The following NR6A1 variants were observed in gnomAD, a reference collection of about 807,000 sequenced individuals.
NR6A1 encodes nuclear receptor subfamily 6 group A member 1, also known as retinoic acid receptor-related testis-associated receptor.
NR6A1 carries 7 observed loss-of-function variants against 59.1 expected under a neutral mutation model. The ratio of observed to expected loss-of-function variants is 0.12; its 90% CI spans 0.07 to 0.22. The LOEUF is 0.22. NR6A1 is among the 10% of genes least tolerant of loss of function. The pLI, the probability that NR6A1 is intolerant of heterozygous loss-of-function variation, is 1.00. For synonymous variants in NR6A1, 243 were observed against 236.1 expected, an observed-to-expected ratio of 1.03 and a Z score of -0.27; for missense variants, 468 against 611.6, an observed-to-expected ratio of 0.77 and a Z score of 2.48.
chr9:124,732,254 G>A (rs559013656), intron 2 of NR6A1, among the ~76,000 whole-genome samples: 4 of 152,280 alleles, frequency 2.6e-5, no homozygotes, highest in South Asian at 2.1e-4. Context: ...AGAGCCAGCC[G>A]TAACAAAGTA....
intron 7 of NR6A1, among the ~76,000 whole-genome samples, chr9:124,528,718 A>C (rs1274688827): frequency 3.3e-5 from 5 of 151,998 alleles, no homozygotes; most frequent in African/African-American, 7.2e-5. Flanking sequence ...AAAATAAAAC[A>C]AAAAACCAAA....
At chr9:124,646,458 T>G (rs768311658) in intron 2 of NR6A1, among the ~76,000 whole-genome samples, 3 of 151,972 alleles carry the variant, frequency 2.0e-5, no homozygotes, top group Non-Finnish European at 4.4e-5. Context: ...CTCAAAAAAA[T>G]GAAATAGGGG....
At chr9:124,757,012 G>C (rs913524912) in intron 1 of NR6A1, among the ~76,000 whole-genome samples, 1 of 152,002 alleles carries the variant, frequency 6.6e-6, no homozygotes, top group African/African-American at 2.4e-5. Context: ...GGCGGGTAGG[G>C]GGGGAATGAC....
In NR6A1 at chr9:124,535,884, A is replaced by G; in HGVS notation, c.1073T>C (p.Leu358Pro). 1 of 1,614,180 alleles carries G rather than the reference A, an allele frequency of 6.2e-7. No homozygotes were observed. The highest frequency in any genetic ancestry group is 8.5e-7 in the Non-Finnish European group (1 of 1,180,026). The change falls in exon 7 of 10, where the codon CTA (leucine) becomes CCA (proline). Residue 358 changes from leucine to proline, a missense_variant. By Grantham distance (98) the Leu-to-Pro change is moderately conservative. Around this residue, in one of 4 missense-constraint regions of NR6A1, gnomAD observed 176 missense variants for 264.0 expected, o/e 0.67. Coordinates refer to ENST00000487099, the MANE Select transcript of NR6A1 (RefSeq NM_033334.4). ...CCCAGCCAGGAGGCCTCACCTGTGT[A>G]GTTCTTCATCGGAGGGCGAGTACTT... ...TAKYSPSDEE[L>P]HRFSDEGMEV... is the part of the protein sequence containing the mutation.
At position 124,521,947 on chromosome 9, in the gene NR6A1, T is replaced by C. The variant is rs1370570504; in HGVS notation, c.*758A>G. ...CTTTGCCTAGATGGAAAGTTCGCAG[T>C]GGTAGACAATGATGGTGGTGCAGGG... On this transcript the variant is annotated 3_prime_UTR_variant, in exon 10 of 10. Coordinates refer to ENST00000487099, the MANE Select transcript of NR6A1 (RefSeq NM_033334.4). 6.6e-6 allele frequency: 1 copy of C among 152,168 alleles called. No individual in the cohort carries two copies. The allele number at this position is 152,168 out of a possible 1,614,324, so 9.4% of individuals were successfully genotyped here.
chr9:124,686,936 TCAAGCAATAC>T (rs1418564692), intron 2 of NR6A1, among the ~76,000 whole-genome samples: 1 of 152,006 alleles, frequency 6.6e-6, no homozygotes, highest in Non-Finnish European at 1.5e-5. Context: ...AATCCTGGGC[TCAAGCAATAC>T]CTCCCTCCTC....
At chr9:124,633,651 C>T (rs1035972887) in intron 2 of NR6A1, among the ~76,000 whole-genome samples, 2 of 152,160 alleles carry the variant, frequency 1.3e-5, no homozygotes, top group Non-Finnish European at 2.9e-5. Flanking sequence ...CAATTCTAAG[C>T]CCCAGGATCA....
At chr9:124,577,607 T>C (rs1346223152) in intron 2 of NR6A1, among the ~76,000 whole-genome samples, 2 of 152,242 alleles carry the variant, frequency 1.3e-5, no homozygotes, top group African/African-American at 2.4e-5. Context: ...AAGTAATTTG[T>C]ACATGTTTGT....
In NR6A1 at chr9:124,525,693, C is replaced by A. The variant is rs535799367; in HGVS notation, c.1202-820G>T. ...TCTAAATAGATCTCTCTCTCTCTCT[C>A]TCTCTCTATATATATATACACACAC... On this transcript the variant is annotated intron_variant, in intron 8 of 9. Coordinates refer to ENST00000487099, the MANE Select transcript of NR6A1 (RefSeq NM_033334.4). Among the ~76,000 whole-genome samples the A allele has an allele frequency of 4.9e-4, 73 of 150,194 alleles. 1 individual carries two copies. The highest frequency in any genetic ancestry group is 1.5e-3 in the African/African-American group (63 of 40,844).
At chr9:124,710,391 T>C (rs1196083836) in intron 2 of NR6A1, among the ~76,000 whole-genome samples, 1 of 152,146 alleles carries the variant, frequency 6.6e-6, no homozygotes, top group Non-Finnish European at 1.5e-5. Flanking sequence ...GAATACACAA[T>C]GAAACACACA....
At chr9:124,594,751 A>G (rs1414655919) in intron 2 of NR6A1, among the ~76,000 whole-genome samples, 2 of 152,202 alleles carry the variant, frequency 1.3e-5, no homozygotes, top group Admixed American at 1.3e-4. Flanking sequence ...CAAGGTTACT[A>G]AAAAGAAGAA....
At chr9:124,727,738 G>A (rs1390986899) in intron 2 of NR6A1, among the ~76,000 whole-genome samples, 4 of 152,174 alleles carry the variant, frequency 2.6e-5, no homozygotes, top group Admixed American at 2.0e-4. Context: ...AGGCTGGAGT[G>A]CAGTGGCACG....
chr9:124,554,686 C>A (rs921679648), intron 2 of NR6A1, 116 bp from the exon 3 acceptor site: 126 of 1,329,986 alleles, frequency 9.5e-5, no homozygotes, highest in Non-Finnish European at 1.1e-5. Flanking sequence ...GGCTAAAGGG[C>A]AAACAGGGGG....
rs1468398831 is a variant in NR6A1, at chr9:124,625,210, TG to T, written c.143-70641del. On this transcript the variant is annotated intron_variant, in intron 2 of 9. Transcript: ENST00000487099. ...AGACCTTGGAGCAAGTCTCCGAATC[TG>T]TCTAGTTTTAGTTTCCTCTTTTGAC... Among the ~76,000 whole-genome samples, 129 of 152,330 alleles carry T rather than the reference TG, an allele frequency of 8.5e-4. 1 individual carries two copies. The highest frequency in any genetic ancestry group is 3.1e-3 in the African/African-American group (128 of 41,578).
intron 5 of NR6A1, 101 bp from the exon 6 acceptor site, chr9:124,538,420 G>C (rs1833347208): frequency 2.4e-6 from 2 of 825,294 alleles, no homozygotes; most frequent in Non-Finnish European, 3.9e-6. Flanking sequence ...TTGAACATGA[G>C]GTATGTGTCT....
chr9:124,763,083 C>T (rs989217956), intron 1 of NR6A1, among the ~76,000 whole-genome samples: 1 of 152,214 alleles, frequency 6.6e-6, no homozygotes, highest in African/African-American at 2.4e-5. Flanking sequence ...CAGATCACAA[C>T]ATAATCACAC....
rs577155786 is a variant in NR6A1 at position 124,622,991 on chromosome 9, G to A, written c.143-68421C>T. Among the ~76,000 whole-genome samples the A allele has an allele frequency of 5.9e-4, 90 of 152,250 alleles. 1 individual carries two copies. In the South Asian group the frequency reaches 0.018, roughly 31 times the overall value. ...AATAAAACTACAGAAGCATAACAAGGAGGCTATGATGAACTCAGGGCCAGG... is the reference window on the plus strand; with the variant it reads ...AATAAAACTACAGAAGCATAACAAGAAGGCTATGATGAACTCAGGGCCAGG... On this transcript the variant is annotated intron_variant, in intron 2 of 9. Transcript: ENST00000487099.
In NR6A1 at chr9:124,644,307, C is replaced by T. The variant is rs1228264117; in HGVS notation, c.142+89001G>A. Among the ~76,000 whole-genome samples the T allele has an allele frequency of 2.7e-5, 3 of 111,988 alleles. No homozygotes were observed. In the Admixed American group the frequency reaches 3.5e-4, roughly 13 times the overall value. The allele number at this position is 111,988 out of a possible 152,430, so 73.5% of individuals were successfully genotyped here. On this transcript the variant is annotated intron_variant, in intron 2 of 9. Transcript: ENST00000487099. ...TTTTTTTTTGAGACATGGTTTCGCTCTATTGCCATGCTGGAGTGCAGTCAA... is the reference window on the plus strand; with the variant it reads ...TTTTTTTTTGAGACATGGTTTCGCTTTATTGCCATGCTGGAGTGCAGTCAA...
intron 2 of NR6A1, among the ~76,000 whole-genome samples, chr9:124,573,747 A>G (rs1834514354): frequency 6.6e-6 from 1 of 152,228 alleles, no homozygotes; most frequent in South Asian, 2.1e-4. Context: ...ACTAACATAC[A>G]TATACAATGG....
Sources: allele counts gnomAD v4.1 joint callset (sites outside exome capture counted in the v4.1 genomes callset), GRCh38; gene constraint gnomAD v4.1.1; regional missense constraint gnomAD v4.1.1; transcripts MANE v1.5; gene names NCBI Gene and HGNC (gene_info 2026-07-23, HGNC 2026-07-21).